The following ZNF385D variants were observed in gnomAD, a reference collection of about 807,000 sequenced individuals.
The protein encoded by ZNF385D is zinc finger protein 385D.
A neutral mutation model predicts 35.8 loss-of-function variants in ZNF385D; 15 were observed. The ratio of observed to expected loss-of-function variants is 0.42; its 90% CI spans 0.28 to 0.64. The LOEUF (loss-of-function observed/expected upper bound fraction) is 0.64. Among genes scored for constraint, ZNF385D ranks in the 30% least tolerant of loss-of-function variants. The pLI is 0.23. For synonymous variants in ZNF385D, 212 were observed against 186.8 expected (o/e 1.13, Z -1.10); for missense variants, 474 against 494.6 (o/e 0.96, Z 0.39).
intron 2 of ZNF385D, among the ~76,000 whole-genome samples, chr3:22,196,838 T>G (rs1326311012): frequency 6.6e-6 from 1 of 152,122 alleles, no homozygotes; most frequent in East Asian, 1.9e-4. Context: ...CCTGCTTTTA[T>G]CTGAGATCAT....
At chr3:21,726,252 C>A (rs1347711913) in intron 1 of ZNF385D, among the ~76,000 whole-genome samples, 1 of 152,124 alleles carries the variant, frequency 6.6e-6, no homozygotes, top group Non-Finnish European at 1.5e-5. Context: ...GAAGCATTCC[C>A]TTTGAAAACC....
At chr3:22,152,657 C>T (rs1705315740) in intron 3 of ZNF385D, among the ~76,000 whole-genome samples, 1 of 152,120 alleles carries the variant, frequency 6.6e-6, no homozygotes. Context: ...TCCTATCTTC[C>T]TCATAAAATG....
intron 3 of ZNF385D, among the ~76,000 whole-genome samples, chr3:21,817,258 C>T (rs181023729): frequency 3.3e-5 from 5 of 152,190 alleles, no homozygotes; most frequent in African/African-American, 1.2e-4. Flanking sequence ...CAATACCATT[C>T]AGGACATAGG....
rs143068841 is a variant in ZNF385D at position 22,246,183 on chromosome 3, A to G, written c.107-77148T>C. The stretch of plus-strand genomic sequence containing the variant: ...TTTTAATACTTCACACAAGAAACAT[A>G]CTTTTCTTTTCAAACATAACTGTCT... On this transcript the variant is annotated intron_variant, in intron 2 of 5. Transcript: ENST00000494108. 4.1e-3 allele frequency among the ~76,000 whole-genome samples: 622 copies of G among 152,268 alleles called. 3 individuals carry two copies. The South Asian group carries it at 0.042, about 10-fold the overall frequency.
rs1187397882 is a variant in ZNF385D, at chr3:21,751,150, A to G, written c.-234T>C. 2.8e-6 allele frequency: 4 copies of G among 1,435,256 alleles called. No individual in the cohort carries two copies. In the African/African-American group the frequency reaches 5.8e-5, roughly 21 times the overall value. 88.9% of individuals were successfully genotyped at this position (1,435,256 alleles called of 1,614,324 possible). On this transcript the variant is annotated 5_prime_UTR_variant, in exon 1 of 8. It removes an upstream start codon present in the reference 5' UTR. Coordinates refer to ENST00000281523, the MANE Select transcript of ZNF385D (RefSeq NM_024697.3). ...GCTCGGGCTGCCTGCTGCACTGCCC[A>G]TCCTTACTGTAATCCGACTCCTCCT...
intron 1 of ZNF385D, among the ~76,000 whole-genome samples, chr3:21,732,592 G>A (rs1034172933): frequency 5.3e-5 from 8 of 152,180 alleles, no homozygotes; most frequent in African/African-American, 1.9e-4. Context: ...TATGATAGCT[G>A]TGTAGTAATA....
At chr3:21,843,764 G>A (rs1000090525) in intron 3 of ZNF385D, among the ~76,000 whole-genome samples, 1 of 151,946 alleles carries the variant, frequency 6.6e-6, no homozygotes, top group Non-Finnish European at 1.5e-5. Context: ...CTTAATGAAA[G>A]AGTTATTTCA....
intron 3 of ZNF385D, among the ~76,000 whole-genome samples, chr3:22,166,167 T>C (rs1706313291): frequency 6.6e-6 from 1 of 152,162 alleles, no homozygotes; most frequent in African/African-American, 2.4e-5. Context: ...TAACCATGGT[T>C]GTTTTTCGTG....
Position 22,116,049 on chromosome 3 carries a change from C to A in ZNF385D, c.325+52768G>T, listed in dbSNP as rs775648813. On this transcript the variant is annotated intron_variant, in intron 3 of 5. Transcript: ENST00000494108. Reference sequence around the variant, plus strand: ...ATTAACTCCTGTATTTTCCTGTGTTCATATAAAAAGTTCAAGCTTTGGAAA... The same window carrying A: ...ATTAACTCCTGTATTTTCCTGTGTTAATATAAAAAGTTCAAGCTTTGGAAA... Among the ~76,000 whole-genome samples the A allele has an allele frequency of 4.6e-5, 7 of 151,892 alleles. No individual in the cohort carries two copies. The East Asian group carries it at 1.4e-3, about 29-fold the overall frequency.
At position 21,775,247 on chromosome 3, in the gene ZNF385D, C is replaced by G. The variant is rs186656661; in HGVS notation, c.326-110219G>C. On this transcript the variant is annotated intron_variant, in intron 3 of 5. Transcript: ENST00000494108. Reference sequence around the variant, plus strand: ...TCACTTATGTTTCCTTTTTTATTAACTCTTTAATGCAGGGTTGCAAAGTAT... The same window carrying G: ...TCACTTATGTTTCCTTTTTTATTAAGTCTTTAATGCAGGGTTGCAAAGTAT... Among the ~76,000 whole-genome samples the G allele has an allele frequency of 9.2e-5, 14 of 151,876 alleles. No individual in the cohort carries two copies. In the East Asian group the frequency reaches 1.8e-3, roughly 19 times the overall value.
chr3:21,624,537 AG>A (rs1487584227), intron 2 of ZNF385D, among the ~76,000 whole-genome samples: 1 of 152,082 alleles, frequency 6.6e-6, no homozygotes, highest in East Asian at 1.9e-4. Context: ...TCATACTCTG[AG>A]ACTTTATAAT....
At chr3:22,346,204 G>T (rs76624794) in intron 2 of ZNF385D, among the ~76,000 whole-genome samples, 3 of 152,060 alleles carry the variant, frequency 2.0e-5, no homozygotes, top group Non-Finnish European at 4.4e-5. Flanking sequence ...TATAAGCCAG[G>T]CTCCATAAAT....
At chr3:21,705,194 G>A (rs2067852016) in intron 1 of ZNF385D, among the ~76,000 whole-genome samples, 1 of 152,166 alleles carries the variant, frequency 6.6e-6, no homozygotes. Flanking sequence ...TGAAATATCT[G>A]CAAGTACAAT....
intron 3 of ZNF385D, among the ~76,000 whole-genome samples, chr3:21,927,839 T>C (rs905573811): frequency 1.3e-5 from 2 of 152,130 alleles, no homozygotes; most frequent in Admixed American, 1.3e-4. Flanking sequence ...AAGGTACAAA[T>C]GAGCGATTCA....
At chr3:22,127,317 CTTTTTTTTTTTTTTTTTT>C (rs71044975) in intron 3 of ZNF385D, among the ~76,000 whole-genome samples, 74 of 56,314 alleles carry the variant, frequency 1.3e-3, no homozygotes, top group East Asian at 9.2e-3. Flanking sequence ...TCATTTCCTG[CTTTTTTTTTTTTTTTTTT>C]TTTTTTTTTT....
intron 3 of ZNF385D, among the ~76,000 whole-genome samples, chr3:21,993,665 A>G (rs948658963): frequency 6.6e-6 from 1 of 152,204 alleles, no homozygotes; most frequent in Non-Finnish European, 1.5e-5. Context: ...GAGCTATATC[A>G]TGAGAAAATG....
intron 3 of ZNF385D, among the ~76,000 whole-genome samples, chr3:21,902,938 TG>T (rs1340191731): frequency 6.6e-6 from 1 of 152,170 alleles, no homozygotes; most frequent in Non-Finnish European, 1.5e-5. Context: ...CAGTGGTCTT[TG>T]TTCTTTATCT....
intron 3 of ZNF385D, among the ~76,000 whole-genome samples, chr3:21,850,243 A>C (rs1165772249): frequency 2.0e-5 from 3 of 152,152 alleles, no homozygotes; most frequent in Non-Finnish European, 1.5e-5. Context: ...TGCCACAAAG[A>C]ACTAGGAAAG....
At chr3:22,262,253 T>C (rs1417563534) in intron 2 of ZNF385D, among the ~76,000 whole-genome samples, 1 of 151,892 alleles carries the variant, frequency 6.6e-6, no homozygotes, top group African/African-American at 2.4e-5. Flanking sequence ...GTGAGAATCT[T>C]TGCATTACTA....
Sources: allele counts gnomAD v4.1 joint callset (sites outside exome capture counted in the v4.1 genomes callset), GRCh38; gene constraint gnomAD v4.1.1; transcripts MANE v1.5; gene names NCBI Gene and HGNC (gene_info 2026-07-23, HGNC 2026-07-21).